Variants in SYT16 observed in about 807,000 individuals in gnomAD.
The protein encoded by SYT16 is synaptotagmin-16.
In SYT16, 42 loss-of-function variants were observed where a neutral mutation model predicts 61.4. The ratio of observed to expected loss-of-function variants is 0.68; its 90% CI spans 0.53 to 0.89. The LOEUF is 0.89. Ranked by LOEUF, SYT16 falls within the 40% of genes least tolerant of loss-of-function variation. The pLI is 0.00. For missense variants in SYT16, 804 were observed against 807.3 expected (o/e 1.00, Z 0.05); for synonymous variants, 314 against 302.3 (o/e 1.04, Z -0.40).
chr14:61,833,397 A>T (rs2046006205), intron 1 of SYT16, among the ~76,000 whole-genome samples: 1 of 149,428 alleles, frequency 6.7e-6, no homozygotes, highest in Non-Finnish European at 1.5e-5. Context: ...GGTTCAAGCG[A>T]TTTTCCTGCC....
At chr14:61,952,101 A>G (rs2050695553) in intron 1 of SYT16, among the ~76,000 whole-genome samples, 2 of 152,008 alleles carry the variant, frequency 1.3e-5, no homozygotes, top group African/African-American at 4.8e-5. Context: ...AAGTTCAACA[A>G]TGTTGAACTG....
chr14:62,059,895 C>T (rs919040809), intron 3 of SYT16, among the ~76,000 whole-genome samples: 3 of 151,828 alleles, frequency 2.0e-5, no homozygotes, highest in Admixed American at 1.3e-4. Flanking sequence ...TATTGAATTA[C>T]GTTGGCACTG....
chr14:61,829,548 AT>A (rs547698640), intron 1 of SYT16, among the ~76,000 whole-genome samples: 2 of 151,032 alleles, frequency 1.3e-5, no homozygotes, highest in African/African-American at 2.4e-5. Context: ...CAAATATTAG[AT>A]TTTTTTTTGG....
At chr14:62,068,241 T>A (rs1055683211) in intron 3 of SYT16, among the ~76,000 whole-genome samples, 14 of 122,456 alleles carry the variant, frequency 1.1e-4, no homozygotes, top group African/African-American at 1.5e-4. Flanking sequence ...GAAAAAAAAA[T>A]TTTTAAAAAG....
chr14:61,922,324 CATA>C (rs1302779449), intron 1 of SYT16, among the ~76,000 whole-genome samples: 2 of 152,146 alleles, frequency 1.3e-5, no homozygotes, highest in Non-Finnish European at 2.9e-5. Context: ...AAATGTGGTC[CATA>C]TACATCATGG....
At chr14:62,030,646 T>G (rs1012269398) in intron 3 of SYT16, among the ~76,000 whole-genome samples, 15 of 152,234 alleles carry the variant, frequency 9.9e-5, no homozygotes, top group African/African-American at 3.1e-4. Context: ...CAGTCTGCCA[T>G]AGGTATAAAG....
chr14:61,832,493 G>T (rs1037203975), intron 1 of SYT16: 17 of 357,246 alleles, frequency 4.8e-5, no homozygotes, highest in African/African-American at 3.6e-4. Context: ...CTGTGGCGCA[G>T]AGGCGTGATC....
intron 3 of SYT16, among the ~76,000 whole-genome samples, chr14:62,068,095 C>G (rs913080157): frequency 3.9e-5 from 6 of 152,180 alleles, no homozygotes; most frequent in Admixed American, 1.3e-4. Flanking sequence ...TATCTGCACT[C>G]CCATGCTCAC....
chr14:62,069,499 A>G, intron 3 of SYT16, 104 bp from the exon 4 acceptor site: 1 of 1,200,468 alleles, frequency 8.3e-7, no homozygotes, highest in Non-Finnish European at 1.2e-6. Context: ...GCCTTCGTTC[A>G]AACTCATTGT....
At chr14:61,942,721 G>A (rs531129443) in intron 1 of SYT16, among the ~76,000 whole-genome samples, 12 of 152,214 alleles carry the variant, frequency 7.9e-5, no homozygotes, top group African/African-American at 2.9e-4. Flanking sequence ...GTCTTGAAAT[G>A]TTTAAATTCA....
chr14:62,043,363 T>G (rs1178657785), intron 3 of SYT16, among the ~76,000 whole-genome samples: 1 of 151,924 alleles, frequency 6.6e-6, no homozygotes, highest in Non-Finnish European at 1.5e-5. Context: ...TTGTTAAGAC[T>G]TTCTTTTTTA....
At chr14:62,086,522 G>T (rs2056892683) in intron 7 of SYT16, among the ~76,000 whole-genome samples, 1 of 152,062 alleles carries the variant, frequency 6.6e-6, no homozygotes, top group South Asian at 2.1e-4. Context: ...ACAAAAAATT[G>T]TGTTATGAAA....
intron 1 of SYT16, among the ~76,000 whole-genome samples, chr14:61,901,762 A>AATAATAATT (rs1010775490): frequency 1.6e-3 from 222 of 138,824 alleles, no homozygotes; most frequent in African/African-American, 6.2e-3. Flanking sequence ...TAATAATAAT[A>AATAATAATT]ATTATTATTA....
chr14:61,821,826 T>C (rs576908517), intron 1 of SYT16, among the ~76,000 whole-genome samples: 1 of 152,364 alleles, frequency 6.6e-6, no homozygotes, highest in African/African-American at 2.4e-5. Flanking sequence ...AGAGTCTGTC[T>C]GCTATACTCC....
intron 3 of SYT16, among the ~76,000 whole-genome samples, chr14:62,061,867 T>C (rs1210096199): frequency 6.6e-6 from 1 of 152,190 alleles, no homozygotes; most frequent in African/African-American, 2.4e-5. Flanking sequence ...ATATAATCTG[T>C]GTTCCCTTCT....
chr14:61,995,067 A>G (rs554641411), intron 2 of SYT16, among the ~76,000 whole-genome samples: 1 of 152,068 alleles, frequency 6.6e-6, no homozygotes, highest in Non-Finnish European at 1.5e-5. Context: ...CATAATATAC[A>G]CACATATGTG....
At chr14:61,946,502 T>A (rs919811458) in intron 1 of SYT16, among the ~76,000 whole-genome samples, 21 of 152,172 alleles carry the variant, frequency 1.4e-4, no homozygotes, top group African/African-American at 5.1e-4. Context: ...CCAGAATTCA[T>A]GACACAATAT....
intron 1 of SYT16, among the ~76,000 whole-genome samples, chr14:61,892,068 C>T (rs1234880140): frequency 1.3e-5 from 2 of 151,922 alleles, no homozygotes; most frequent in African/African-American, 4.8e-5. Flanking sequence ...TCCCTCCTTC[C>T]CTTCCTTTTC....
chr14:62,037,874 T>C (rs2054571753), intron 3 of SYT16, among the ~76,000 whole-genome samples: 1 of 152,128 alleles, frequency 6.6e-6, no homozygotes, highest in Non-Finnish European at 1.5e-5. Context: ...TCTAGTGTCA[T>C]AGAAGAGGGA....
Sources: allele counts gnomAD v4.1 joint callset (sites outside exome capture counted in the v4.1 genomes callset), GRCh38; gene constraint gnomAD v4.1.1; transcripts MANE v1.5; gene names NCBI Gene and HGNC (gene_info 2026-07-23, HGNC 2026-07-21).